Variants in GRAMD1C observed in about 807,000 individuals in gnomAD.
The protein encoded by GRAMD1C is protein Aster-C.
GRAMD1C carries 89 observed loss-of-function variants against 97.8 expected under a neutral mutation model. The observed-to-expected ratio is 0.91, with a 90% confidence interval of 0.77 to 1.09. The LOEUF (loss-of-function observed/expected upper bound fraction) is 1.09, where lower values mean the gene tolerates loss of function less well. Ranked by LOEUF, GRAMD1C falls within the 50% of genes least tolerant of loss-of-function variation. GRAMD1C has a pLI of 0.00. For missense variants in GRAMD1C, 740 were observed against 766.4 expected, an observed-to-expected ratio of 0.97 and a Z score of 0.41; for synonymous variants, 256 against 267.0, an observed-to-expected ratio of 0.96 and a Z score of 0.40.
chr3:113,839,074 A>G (rs769801708), intron 1 of GRAMD1C, 138 bp downstream of exon 1: 1 of 571,696 alleles, frequency 1.7e-6, no homozygotes, highest in Admixed American at 4.5e-5. Flanking sequence ...AGTAATACGG[A>G]AAGTTGTTAC....
In GRAMD1C at chr3:113,936,496, G is replaced by A. The variant is rs1937581263; in HGVS notation, c.1633+54G>A. On this transcript the variant is annotated intron_variant, in intron 14 of 17. Transcript: ENST00000358160. ...AAGATTTTTACTTTAGTTATATGAA[G>A]CAGAATGTGCCTCTTGTTTGTAAGA... The A allele has an allele frequency of 6.2e-6, 7 of 1,128,506 alleles. No individual in the cohort carries two copies. The South Asian group carries it at 8.3e-5, about 13-fold the overall frequency. The allele number at this position is 1,128,506 out of a possible 1,614,324, so 69.9% of individuals were successfully genotyped here.
chr3:113,913,640 C>T (rs764749253), intron 9 of GRAMD1C, among the ~76,000 whole-genome samples: 4 of 152,034 alleles, frequency 2.6e-5, no homozygotes, highest in Non-Finnish European at 5.9e-5. Context: ...AACATTCAGA[C>T]CTCTGTTTGG....
chr3:113,889,522 G>A (rs1264134392), intron 6 of GRAMD1C, among the ~76,000 whole-genome samples: 3 of 152,186 alleles, frequency 2.0e-5, no homozygotes, highest in Admixed American at 6.5e-5. Context: ...TGTGAAAACC[G>A]CCTGAATTGT....
intron 10 of GRAMD1C, among the ~76,000 whole-genome samples, chr3:113,928,590 C>T (rs1004045143): frequency 6.6e-6 from 1 of 152,206 alleles, no homozygotes. Flanking sequence ...ACTTTTTAAT[C>T]TTTCCAAACT....
At chr3:113,907,883 C>T (rs1439468699) in intron 8 of GRAMD1C, among the ~76,000 whole-genome samples, 2 of 152,176 alleles carry the variant, frequency 1.3e-5, no homozygotes, top group South Asian at 2.1e-4. Flanking sequence ...TACTTAGCAT[C>T]TGTTAAGGGG....
intron 17 of GRAMD1C, among the ~76,000 whole-genome samples, chr3:113,941,620 A>ATT (rs11378575): frequency 0.048 from 6,704 of 139,470 alleles, 517 homozygotes; most frequent in African/African-American, 0.16. Context: ...TGGTGTTGCA[A>ATT]TTTTTTTTTT....
chr3:113,838,506 G>GGTTGAA (rs1192941936), upstream of GRAMD1C: 1 of 172,354 alleles, frequency 5.8e-6, no homozygotes, highest in African/African-American at 2.4e-5. Context: ...GGGAGGCGGA[G>GGTTGAA]GTTGCAGTTA....
At chr3:113,863,552 A>G (rs1934476677) in intron 2 of GRAMD1C, among the ~76,000 whole-genome samples, 1 of 152,208 alleles carries the variant, frequency 6.6e-6, no homozygotes, top group Admixed American at 6.5e-5. Flanking sequence ...TATAGTGGTG[A>G]TGATTGCACA....
In GRAMD1C at chr3:113,904,290, CT is replaced by C; in HGVS notation, c.789+22del. On this transcript the variant is annotated intron_variant, in intron 8 of 17. Coordinates refer to ENST00000358160, the MANE Select transcript of GRAMD1C (RefSeq NM_017577.5). Reference sequence around the variant, plus strand: ...CAAAAGGAGTTAGTATATGATATCCCTTTTAAAATATATCTGGTACTGTCAT... The same window carrying C: ...CAAAAGGAGTTAGTATATGATATCCCTTTAAAATATATCTGGTACTGTCAT... The C allele has an allele frequency of 1.3e-6, 2 of 1,527,810 alleles. No individual in the cohort carries two copies. The highest frequency in any genetic ancestry group is 1.8e-6 in the Non-Finnish European group (2 of 1,101,954). The allele number at this position is 1,527,810 out of a possible 1,614,324, so 94.6% of individuals were successfully genotyped here. A position where few individuals can be genotyped will look rare whatever the true frequency, so the allele number is the denominator to read the frequency against.
intron 1 of GRAMD1C, among the ~76,000 whole-genome samples, chr3:113,841,170 A>G (rs1709775326): frequency 6.6e-6 from 1 of 152,176 alleles, no homozygotes; most frequent in Non-Finnish European, 1.5e-5. Flanking sequence ...TCGAGGATGC[A>G]GTAATGAACC....
At chr3:113,901,893 G>T (rs575429687) in intron 7 of GRAMD1C, among the ~76,000 whole-genome samples, 1 of 152,340 alleles carries the variant, frequency 6.6e-6, no homozygotes, top group South Asian at 2.1e-4. Flanking sequence ...TTCCATGTAT[G>T]TGAAATGGAG....
At chr3:113,888,001 G>T (rs962616381) in intron 6 of GRAMD1C, among the ~76,000 whole-genome samples, 3 of 152,054 alleles carry the variant, frequency 2.0e-5, no homozygotes, top group African/African-American at 7.2e-5. Flanking sequence ...TAATGATAAA[G>T]AACCTACCAC....
intron 3 of GRAMD1C, 44 bp downstream of exon 3, chr3:113,869,635 A>G (rs779412493): frequency 1.6e-5 from 13 of 824,426 alleles, no homozygotes; most frequent in Admixed American, 2.4e-5. Flanking sequence ...ACCTCATTAT[A>G]AAAAGAAAAC....
chr3:113,938,763 C>T (rs1256309166), intron 15 of GRAMD1C: 1 of 152,186 alleles, frequency 6.6e-6, no homozygotes, highest in Non-Finnish European at 1.5e-5. Flanking sequence ...ATTTAGAACA[C>T]TAATATCTAT....
At chr3:113,917,645 A>G (rs905023035) in intron 10 of GRAMD1C, among the ~76,000 whole-genome samples, 2 of 151,710 alleles carry the variant, frequency 1.3e-5, no homozygotes, top group Non-Finnish European at 2.9e-5. Context: ...TAATCTAAGT[A>G]TTTTATTAAC....
At chr3:113,943,419 C>A (rs1256180265) in intron 17 of GRAMD1C, among the ~76,000 whole-genome samples, 2 of 152,154 alleles carry the variant, frequency 1.3e-5, no homozygotes, top group Admixed American at 6.5e-5. Flanking sequence ...ATTTTCATAA[C>A]CCCACAAGAA....
chr3:113,916,441 T>C (rs1936817129), intron 10 of GRAMD1C, among the ~76,000 whole-genome samples: 1 of 152,216 alleles, frequency 6.6e-6, no homozygotes, highest in Non-Finnish European at 1.5e-5. Flanking sequence ...AAAGTACTGA[T>C]ACTTGTAACA....
chr3:113,915,988 ATG>A, intron 10 of GRAMD1C, 150 bp downstream of exon 10: 1 of 624,924 alleles, frequency 1.6e-6, no homozygotes, highest in South Asian at 2.0e-5. Flanking sequence ...TGGTATTCAA[ATG>A]TTTGGTTAAA....
At chr3:113,919,522 G>A in intron 10 of GRAMD1C, 1 of 545,788 alleles carries the variant, frequency 1.8e-6, no homozygotes, top group South Asian at 1.4e-5. Flanking sequence ...CTGGAGAACT[G>A]ACTCAGAGAA....
Sources: gnomAD v4.1 joint callset for allele counts (sites outside exome capture counted in the v4.1 genomes callset) on GRCh38, gnomAD v4.1.1 for gene constraint, MANE v1.5 for transcripts, NCBI Gene and HGNC (gene_info 2026-07-23, HGNC 2026-07-21) for gene names.